Variants in MAF observed in about 807,000 individuals in gnomAD.
MAF encodes the protein MAF bZIP transcription factor.
Under a neutral mutation model 22.0 loss-of-function variants are expected in MAF, and 10 were observed. That is an observed-to-expected ratio of 0.45 (90% CI 0.28 to 0.77). The LOEUF (loss-of-function observed/expected upper bound fraction) is 0.77, where lower values mean the gene tolerates loss of function less well. MAF is among the 30% of genes least tolerant of loss of function. The pLI is 0.12. For synonymous variants in MAF, 337 were observed against 255.8 expected (o/e 1.32, Z -3.03); for missense variants, 544 against 548.4 (o/e 0.99, Z 0.08).
At chr16:79,493,044 ATCTCAAG>A in the MAF span, among the ~76,000 whole-genome samples, 1 of 151,614 alleles carries the variant, frequency 6.6e-6, no homozygotes, top group African/African-American at 2.4e-5. Context: ...CTGCAACCTC[ATCTCAAG>A]GGTTCAAGCA....
At chr16:79,484,039 C>G in the MAF span, among the ~76,000 whole-genome samples, 3 of 152,114 alleles carry the variant, frequency 2.0e-5, no homozygotes, top group Non-Finnish European at 2.9e-5. Flanking sequence ...TGATAGCAAC[C>G]AGCAGGTGCC....
the MAF span, among the ~76,000 whole-genome samples, chr16:79,290,002 G>A: frequency 4.6e-5 from 7 of 151,804 alleles, no homozygotes; most frequent in African/African-American, 1.7e-4. Context: ...GACTACAGGC[G>A]CCTGCCACCA....
chr16:79,474,116 A>T, the MAF span, among the ~76,000 whole-genome samples: 1 of 152,138 alleles, frequency 6.6e-6, no homozygotes, highest in Non-Finnish European at 1.5e-5. Context: ...AATGATGAGG[A>T]AATAGGAGAA....
At chr16:79,548,457 G>A in the MAF span, among the ~76,000 whole-genome samples, 1 of 152,188 alleles carries the variant, frequency 6.6e-6, no homozygotes, top group Non-Finnish European at 1.5e-5. Context: ...AGCTTTATAT[G>A]TGGGAGAAAC....
At chr16:79,209,098 C>T in the MAF span, among the ~76,000 whole-genome samples, 3 of 152,168 alleles carry the variant, frequency 2.0e-5, no homozygotes, top group African/African-American at 7.2e-5. Context: ...TAAATCACCC[C>T]AAGCCTAGTG....
the MAF span, among the ~76,000 whole-genome samples, chr16:79,400,413 C>T: frequency 2.0e-4 from 30 of 152,356 alleles, no homozygotes; most frequent in South Asian, 1.0e-3. Context: ...AGAATTCCAA[C>T]CCCACAAGGT....
the MAF span, among the ~76,000 whole-genome samples, chr16:79,456,292 A>G: frequency 4.6e-5 from 7 of 151,812 alleles, no homozygotes; most frequent in Non-Finnish European, 8.8e-5. Flanking sequence ...CATTCCACTC[A>G]CTCCCATTAT....
At chr16:79,289,679 C>T in the MAF span, among the ~76,000 whole-genome samples, 28 of 152,048 alleles carry the variant, frequency 1.8e-4, 1 homozygote, top group Middle Eastern at 6.8e-3. Flanking sequence ...CACTTGTTGA[C>T]CATTTTAGGG....
At chr16:79,445,444 G>C in the MAF span, among the ~76,000 whole-genome samples, 4 of 152,174 alleles carry the variant, frequency 2.6e-5, no homozygotes, top group African/African-American at 9.7e-5. Context: ...CAAATGAGGA[G>C]ACCAAGTCTT....
the MAF span, among the ~76,000 whole-genome samples, chr16:79,495,209 C>T: frequency 6.6e-6 from 1 of 152,098 alleles, no homozygotes; most frequent in Non-Finnish European, 1.5e-5. Flanking sequence ...TGCCTGTAAT[C>T]CCAGCACTTT....
chr16:79,273,748 G>C, the MAF span, among the ~76,000 whole-genome samples: 2 of 152,192 alleles, frequency 1.3e-5, no homozygotes, highest in South Asian at 4.2e-4. Flanking sequence ...ATAGTCCAGG[G>C]TATTGTCCTT....
the MAF span, among the ~76,000 whole-genome samples, chr16:79,377,649 T>C: frequency 6.6e-6 from 1 of 152,246 alleles, no homozygotes; most frequent in East Asian, 1.9e-4. Context: ...TCTAGCGTTT[T>C]TATGGTTTTA....
the MAF span, among the ~76,000 whole-genome samples, chr16:79,300,554 AAAACAAACAAACAAAC>A: frequency 6.6e-6 from 1 of 151,128 alleles, no homozygotes; most frequent in African/African-American, 2.4e-5. Context: ...ACTCCATCTC[AAAACAAACAAACAAAC>A]AAACAAACAA....
chr16:79,570,762 T>A, the MAF span, among the ~76,000 whole-genome samples: 1 of 152,210 alleles, frequency 6.6e-6, no homozygotes, highest in African/African-American at 2.4e-5. Flanking sequence ...ATTGAGAAGA[T>A]ACAATACAAC....
At chr16:79,257,909 G>A in the MAF span, among the ~76,000 whole-genome samples, 97,835 of 152,062 alleles carry the variant, frequency 0.64, 32,875 homozygotes, top group Non-Finnish European at 0.76. Context: ...ATTTTGCCCA[G>A]ATGTTATCAG....
chr16:79,368,848 T>C, the MAF span, among the ~76,000 whole-genome samples: 1 of 152,316 alleles, frequency 6.6e-6, no homozygotes, highest in East Asian at 1.9e-4. Flanking sequence ...TGACCTCTAG[T>C]TCCAATTTAA....
chr16:79,232,503 A>G, the MAF span, among the ~76,000 whole-genome samples: 1 of 152,092 alleles, frequency 6.6e-6, no homozygotes, highest in Non-Finnish European at 1.5e-5. Context: ...ACAACATAAT[A>G]TCCCAGCCTA....
the MAF span, among the ~76,000 whole-genome samples, chr16:79,474,578 A>G: frequency 2.6e-5 from 4 of 152,208 alleles, no homozygotes; most frequent in African/African-American, 9.6e-5. Context: ...GGAGACGTGC[A>G]GGGAGAGCCT....
the MAF span, among the ~76,000 whole-genome samples, chr16:79,336,487 A>G: frequency 6.6e-6 from 1 of 152,188 alleles, no homozygotes; most frequent in Non-Finnish European, 1.5e-5. Flanking sequence ...AACAGTCAGA[A>G]ATCCTAAATA....
Sources: gnomAD v4.1 joint callset for allele counts (sites outside exome capture counted in the v4.1 genomes callset) on GRCh38, gnomAD v4.1.1 for gene constraint, MANE v1.5 for transcripts, NCBI Gene and HGNC (gene_info 2026-07-23, HGNC 2026-07-21) for gene names.